MBD5: variants seen among roughly 807,000 people sequenced by gnomAD.
The protein encoded by MBD5 is methyl-CpG binding domain protein 5.
A neutral mutation model predicts 117.3 loss-of-function variants in MBD5; 13 were observed. That is an observed-to-expected ratio of 0.11 (90% CI 0.07 to 0.18). MBD5 has a LOEUF of 0.18. Among genes scored for constraint, MBD5 ranks in the 10% least tolerant of loss-of-function variants. MBD5 has a pLI of 1.00. For missense variants in MBD5, 1,879 were observed against 2,093.8 expected, an observed-to-expected ratio of 0.90 and a Z score of 2.00; for synonymous variants, 727 against 766.4, an observed-to-expected ratio of 0.95 and a Z score of 0.85.
intron 3 of MBD5, among the ~76,000 whole-genome samples, chr2:148,288,992 A>G (rs530980154): frequency 6.6e-6 from 1 of 152,288 alleles, no homozygotes; most frequent in South Asian, 2.1e-4. Context: ...TCTTTGACAA[A>G]TAATTGTGTG....
chr2:148,471,399 T>C (rs1023251237), intron 8 of MBD5: 3 of 152,116 alleles, frequency 2.0e-5, no homozygotes, highest in African/African-American at 4.8e-5. Flanking sequence ...ACTAATGATT[T>C]ATGAGAAATG....
At chr2:148,352,949 CAA>C (rs989460178) in intron 4 of MBD5, among the ~76,000 whole-genome samples, 28 of 151,858 alleles carry the variant, frequency 1.8e-4, no homozygotes, top group African/African-American at 6.8e-4. Context: ...TTTGAGAAAT[CAA>C]AACTGTCATG....
intron 2 of MBD5, among the ~76,000 whole-genome samples, chr2:148,187,460 A>G (rs1332648010): frequency 6.6e-6 from 1 of 152,190 alleles, no homozygotes; most frequent in Non-Finnish European, 1.5e-5. Context: ...TAGAAACATA[A>G]AAATCCAAGT....
intron 3 of MBD5, among the ~76,000 whole-genome samples, chr2:148,303,242 A>G (rs1247224170): frequency 1.3e-5 from 2 of 152,208 alleles, no homozygotes; most frequent in African/African-American, 4.8e-5. Flanking sequence ...TATTCAAGCC[A>G]TTTAAGCTTC....
intron 1 of MBD5, among the ~76,000 whole-genome samples, chr2:148,144,385 C>T (rs28870981): frequency 3.3e-5 from 5 of 151,258 alleles, no homozygotes; most frequent in African/African-American, 1.2e-4. Flanking sequence ...AATTTTCTCC[C>T]ATTCTGTAGG....
At position 148,099,627 on chromosome 2, in the gene MBD5, G is replaced by C. The variant is rs891153911; in HGVS notation, c.-925+77943G>C. Among the ~76,000 whole-genome samples, 3 of 152,154 alleles carry C rather than the reference G, an allele frequency of 2.0e-5. No homozygotes were observed. In the East Asian group the frequency reaches 5.8e-4, roughly 29 times the overall value. ...AGGTAAAATGAGCTGAGGGAGAACT[G>C]TCTGATATGTAAAATTTTCTAGAAC... On this transcript the variant is annotated intron_variant, in intron 1 of 13. Coordinates refer to ENST00000642680, the MANE Select transcript of MBD5 (RefSeq NM_001378120.1).
intron 1 of MBD5, among the ~76,000 whole-genome samples, chr2:148,089,062 T>A (rs1357877665): frequency 6.6e-6 from 1 of 152,048 alleles, no homozygotes; most frequent in Non-Finnish European, 1.5e-5. Context: ...TGTCCTTATA[T>A]TAGACAAAAC....
intron 2 of MBD5, among the ~76,000 whole-genome samples, chr2:148,198,898 C>T (rs1263214807): frequency 2.0e-5 from 3 of 151,538 alleles, no homozygotes; most frequent in Admixed American, 6.6e-5. Flanking sequence ...CAGGGTTCTC[C>T]AGAGAAACAG....
chr2:148,471,894 T>C (rs1193524728), intron 8 of MBD5: 1 of 152,072 alleles, frequency 6.6e-6, no homozygotes, highest in African/African-American at 2.4e-5. Flanking sequence ...CAAATGAAAA[T>C]TTTATTTTAT....
chr2:148,424,152 T>G (rs1705697859), intron 4 of MBD5, among the ~76,000 whole-genome samples: 1 of 104,736 alleles, frequency 9.5e-6, no homozygotes, highest in African/African-American at 3.7e-5. Flanking sequence ...CACTCCAGCC[T>G]GGGCAACAGA....
chr2:148,203,808 C>T (rs1228151151), intron 2 of MBD5, among the ~76,000 whole-genome samples: 1 of 151,898 alleles, frequency 6.6e-6, no homozygotes, highest in Non-Finnish European at 1.5e-5. Context: ...TAAGCAATAC[C>T]TGTAGCAACA....
At chr2:148,239,895 G>T (rs1486969326) in intron 3 of MBD5, among the ~76,000 whole-genome samples, 2 of 152,002 alleles carry the variant, frequency 1.3e-5, no homozygotes, top group East Asian at 3.9e-4. Context: ...ACGGGGTCTT[G>T]CCCAGCCATC....
chr2:148,445,156 C>T (rs1358611496), intron 4 of MBD5, among the ~76,000 whole-genome samples: 1 of 151,046 alleles, frequency 6.6e-6, no homozygotes. Flanking sequence ...TTTTATTATA[C>T]TTTAAGTTCT....
intron 4 of MBD5, among the ~76,000 whole-genome samples, chr2:148,395,871 C>T (rs1432371596): frequency 6.6e-6 from 1 of 152,170 alleles, no homozygotes; most frequent in Non-Finnish European, 1.5e-5. Context: ...ATTTCCACCT[C>T]ATGATGTGAA....
At chr2:148,211,437 AACT>A (rs1699419339) in intron 2 of MBD5, among the ~76,000 whole-genome samples, 1 of 152,170 alleles carries the variant, frequency 6.6e-6, no homozygotes, top group African/African-American at 2.4e-5. Context: ...AACTCTTTAA[AACT>A]ACTTTCAGCG....
intron 4 of MBD5, among the ~76,000 whole-genome samples, chr2:148,430,542 CTATTT>C (rs1397293168): frequency 2.6e-5 from 4 of 151,820 alleles, no homozygotes; most frequent in African/African-American, 9.7e-5. Flanking sequence ...AATTTCTTGC[CTATTT>C]TATTTATCCA....
At chr2:148,114,342 C>T (rs534206049) in intron 1 of MBD5, among the ~76,000 whole-genome samples, 3 of 151,986 alleles carry the variant, frequency 2.0e-5, no homozygotes, top group East Asian at 1.9e-4. Context: ...TGGTGGTGTG[C>T]GCCTGTAATC....
intron 1 of MBD5, among the ~76,000 whole-genome samples, chr2:148,120,992 C>A (rs1409151317): frequency 6.6e-6 from 1 of 152,134 alleles, no homozygotes; most frequent in Non-Finnish European, 1.5e-5. Context: ...TAAAAATACT[C>A]ACAGCATTTT....
At chr2:148,488,181 C>A (rs1355026306) in intron 10 of MBD5, among the ~76,000 whole-genome samples, 2 of 152,226 alleles carry the variant, frequency 1.3e-5, no homozygotes, top group African/African-American at 2.4e-5. Context: ...GAGAAGTCTG[C>A]TGCCAGGGGG....
Sources: allele counts gnomAD v4.1 joint callset (sites outside exome capture counted in the v4.1 genomes callset), GRCh38; gene constraint gnomAD v4.1.1; transcripts MANE v1.5; gene names NCBI Gene and HGNC (gene_info 2026-07-23, HGNC 2026-07-21).